The following VWA3B variants were observed in gnomAD, a reference collection of about 807,000 sequenced individuals.
VWA3B encodes von Willebrand factor A domain-containing protein 3B.
Under a neutral mutation model 158.3 loss-of-function variants are expected in VWA3B, and 138 were observed. The ratio of observed to expected loss-of-function variants is 0.87; its 90% CI spans 0.76 to 1.00. VWA3B has a LOEUF of 1.00. Ranked by LOEUF, VWA3B falls within the 50% of genes least tolerant of loss-of-function variation. The pLI is 0.00. For missense variants in VWA3B, 1,555 were observed against 1,565.1 expected, an observed-to-expected ratio of 0.99 and a Z score of 0.11; for synonymous variants, 596 against 587.3, an observed-to-expected ratio of 1.01 and a Z score of -0.21.
chr2:98,298,373 G>GCTTCT (rs1372602473), intron 24 of VWA3B, among the ~76,000 whole-genome samples: 1 of 122,258 alleles, frequency 8.2e-6, no homozygotes, highest in Non-Finnish European at 1.7e-5. Context: ...AACTACAAAA[G>GCTTCT]ATTCTATTCT....
At chr2:98,292,455 C>T (rs902697819) in intron 23 of VWA3B, among the ~76,000 whole-genome samples, 4 of 152,024 alleles carry the variant, frequency 2.6e-5, no homozygotes, top group African/African-American at 9.7e-5. Flanking sequence ...TTGGGAGTTG[C>T]CTGGATGAGA....
intron 7 of VWA3B, among the ~76,000 whole-genome samples, chr2:98,139,856 A>C (rs1434036388): frequency 6.6e-6 from 1 of 152,180 alleles, no homozygotes; most frequent in Non-Finnish European, 1.5e-5. Flanking sequence ...AGGTCCCCTC[A>C]GGCTGTGGAA....
At chr2:98,278,095 C>T (rs1435078257) in intron 22 of VWA3B, among the ~76,000 whole-genome samples, 3 of 152,154 alleles carry the variant, frequency 2.0e-5, no homozygotes, top group Non-Finnish European at 4.4e-5. Context: ...AGACTAGCTC[C>T]CTAGTGGCTG....
chr2:98,150,160 A>G (rs1415906524), intron 7 of VWA3B, among the ~76,000 whole-genome samples: 1 of 152,230 alleles, frequency 6.6e-6, no homozygotes, highest in Non-Finnish European at 1.5e-5. Context: ...TTGTTGCTTC[A>G]TTGTAAAGGC....
At chr2:98,146,242 T>A (rs1375648032) in intron 7 of VWA3B, among the ~76,000 whole-genome samples, 1 of 152,212 alleles carries the variant, frequency 6.6e-6, no homozygotes, top group Non-Finnish European at 1.5e-5. Flanking sequence ...GTAGTTTTAC[T>A]GCTCTTTTCC....
At chr2:98,158,394 T>A (rs747286237) in intron 7 of VWA3B, among the ~76,000 whole-genome samples, 1 of 152,050 alleles carries the variant, frequency 6.6e-6, no homozygotes, top group Non-Finnish European at 1.5e-5. Context: ...GCTGGGGACA[T>A]GTTGCTGAGT....
chr2:98,178,861 C>A (rs1035540873), intron 8 of VWA3B, among the ~76,000 whole-genome samples: 1 of 152,170 alleles, frequency 6.6e-6, no homozygotes, highest in African/African-American at 2.4e-5. Context: ...AAACAAAACT[C>A]TATAGCGCTG....
chr2:98,191,781 C>A (rs752712116), intron 10 of VWA3B, among the ~76,000 whole-genome samples: 2 of 152,154 alleles, frequency 1.3e-5, no homozygotes, highest in Non-Finnish European at 2.9e-5. Context: ...TCGAGGACAC[C>A]CTTCTGCAGA....
At chr2:98,239,338 C>T (rs1685912922) in intron 19 of VWA3B, among the ~76,000 whole-genome samples, 1 of 148,210 alleles carries the variant, frequency 6.7e-6, no homozygotes, top group Non-Finnish European at 1.5e-5. Flanking sequence ...GATGAAAAGT[C>T]CTCGTGCTAA....
At chr2:98,130,630 C>T (rs1675786517) in intron 6 of VWA3B, among the ~76,000 whole-genome samples, 1 of 152,244 alleles carries the variant, frequency 6.6e-6, no homozygotes, top group African/African-American at 2.4e-5. Context: ...TTTAACAAAG[C>T]ATATCTTGCA....
chr2:98,300,128 T>A lies in VWA3B; in HGVS notation c.3332T>A (p.Phe1111Tyr), dbSNP rs757267490. ...AKIVIPKGFD[F>Y]YVPAIVIALP... is the part of the protein sequence containing the mutation. ...ATTGTGATACCCAAAGGATTTGACT[T>A]CTATGTCCCTGCCATTGTCATAGCA... is the stretch of plus-strand genomic sequence containing the variant. The change falls in exon 25 of 28, where the codon TTC (phenylalanine) becomes TAC (tyrosine). Residue 1111 changes from phenylalanine (F) to tyrosine (Y), a missense_variant. Coordinates refer to ENST00000477737, the MANE Select transcript of VWA3B (RefSeq NM_144992.5). 2.0e-5 allele frequency: 33 copies of A among 1,614,248 alleles called. 1 individual carries two copies. Among genetic ancestry groups the A allele is most frequent in the Non-Finnish European group, 2.5e-5 (30 of 1,180,038 alleles).
At chr2:98,257,247 C>T (rs748500243) in intron 21 of VWA3B, among the ~76,000 whole-genome samples, 2 of 152,032 alleles carry the variant, frequency 1.3e-5, no homozygotes, top group Non-Finnish European at 2.9e-5. Flanking sequence ...ATATCATGAC[C>T]TCCAAATGAT....
chr2:98,150,112 C>CA (rs1232116106), intron 7 of VWA3B, among the ~76,000 whole-genome samples: 13 of 152,176 alleles, frequency 8.5e-5, no homozygotes, highest in Admixed American at 3.3e-4. Flanking sequence ...CTGAGGAAAA[C>CA]AAAAAGTAGT....
chr2:98,278,406 A>T (rs1402649476), intron 22 of VWA3B, among the ~76,000 whole-genome samples: 1 of 152,176 alleles, frequency 6.6e-6, no homozygotes, highest in African/African-American at 2.4e-5. Flanking sequence ...CAGATGGCTA[A>T]GTGTTTAACT....
rs1359677224 is a variant in VWA3B at position 98,300,146 on chromosome 2, T to C, written c.3350T>C (p.Val1117Ala). The C allele has an allele frequency of 6.2e-7, 1 of 1,614,254 alleles. No homozygotes were observed. ...TTTGACTTCTATGTCCCTGCCATTGTCATAGCACTTCCCAATAAGCATGTG... is the reference window on the plus strand; with the variant it reads ...TTTGACTTCTATGTCCCTGCCATTGCCATAGCACTTCCCAATAAGCATGTG... ...KGFDFYVPAIVIALPNKHVAT... is the reference protein window; with the variant it reads ...KGFDFYVPAIAIALPNKHVAT... The change falls in exon 25 of 28, where the codon GTC becomes GCC. Residue 1117 changes from valine to alanine, a missense_variant. Val to Ala is a moderately conservative substitution (Grantham distance 64). Coordinates refer to ENST00000477737, the MANE Select transcript of VWA3B (RefSeq NM_144992.5).
chr2:98,275,157 C>T (rs1196727997), intron 22 of VWA3B, among the ~76,000 whole-genome samples: 1 of 152,202 alleles, frequency 6.6e-6, no homozygotes, highest in Non-Finnish European at 1.5e-5. Flanking sequence ...TGTAGGTGCT[C>T]CCAGAGCCTA....
chr2:98,266,032 G>A (rs1185852584), intron 21 of VWA3B, among the ~76,000 whole-genome samples: 1 of 148,016 alleles, frequency 6.8e-6, no homozygotes, highest in Non-Finnish European at 1.5e-5. Context: ...TTGCTGTGCA[G>A]AAGCTCTTTA....
intron 26 of VWA3B, among the ~76,000 whole-genome samples, chr2:98,304,275 C>T (rs1690377820): frequency 6.6e-6 from 1 of 152,036 alleles, no homozygotes; most frequent in Admixed American, 6.6e-5. Flanking sequence ...TGGCTAAGAG[C>T]TGTAAGGTAG....
At chr2:98,216,984 C>CCCCA (rs760419262) in intron 13 of VWA3B, 15 of 1,239,852 alleles carry the variant, frequency 1.2e-5, no homozygotes, top group South Asian at 9.3e-5. Flanking sequence ...TTGTAAGCAC[C>CCCCA]CGCCCCGCAC....
Sources: allele counts gnomAD v4.1 joint callset (sites outside exome capture counted in the v4.1 genomes callset), GRCh38; gene constraint gnomAD v4.1.1; transcripts MANE v1.5; gene names NCBI Gene and HGNC (gene_info 2026-07-23, HGNC 2026-07-21).